The following COG7 variants were observed in gnomAD, a reference collection of about 807,000 sequenced individuals.
COG7 encodes component of oligomeric golgi complex 7.
Under a neutral mutation model 91.5 loss-of-function variants are expected in COG7, and 49 were observed. That is an observed-to-expected ratio of 0.54 (90% CI 0.43 to 0.68). The LOEUF (loss-of-function observed/expected upper bound fraction) is 0.68, where lower values mean the gene tolerates loss of function less well. Among genes scored for constraint, COG7 ranks in the 30% least tolerant of loss-of-function variants. The probability of loss-of-function intolerance (pLI) is 0.00; values close to 1 mark genes in which losing one functional copy is unlikely to be tolerated. For missense variants in COG7, 895 were observed against 961.3 expected, an observed-to-expected ratio of 0.93 and a Z score of 0.91; for synonymous variants, 365 against 388.7, an observed-to-expected ratio of 0.94 and a Z score of 0.72.
intron 14 of COG7, among the ~76,000 whole-genome samples, chr16:23,395,417 A>T (rs1471176566): frequency 2.0e-5 from 3 of 152,204 alleles, no homozygotes; most frequent in Non-Finnish European, 4.4e-5. Flanking sequence ...TATACCTTTC[A>T]TCTGTAGCCA....
intron 5 of COG7, 53 bp from the exon 6 acceptor site, chr16:23,433,720 TG>T: frequency 6.2e-7 from 1 of 1,608,866 alleles, no homozygotes; most frequent in Non-Finnish European, 8.5e-7. Context: ...ATAGGTTGCC[TG>T]TGAACACTGC....
chr16:23,405,164 G>A (rs1963438848), intron 12 of COG7, among the ~76,000 whole-genome samples: 1 of 152,172 alleles, frequency 6.6e-6, no homozygotes, highest in Admixed American at 6.5e-5. Flanking sequence ...GTTATGGCAG[G>A]CAAACTAAGA....
chr16:23,390,829 C>G (rs925129330), intron 16 of COG7, among the ~76,000 whole-genome samples: 1 of 152,250 alleles, frequency 6.6e-6, no homozygotes, highest in Non-Finnish European at 1.5e-5. Flanking sequence ...AGCTGCTTCC[C>G]AGCAAAGGTG....
intron 4 of COG7, among the ~76,000 whole-genome samples, chr16:23,439,882 AT>A (rs1457698009): frequency 3.9e-5 from 6 of 152,124 alleles, no homozygotes; most frequent in African/African-American, 1.4e-4. Flanking sequence ...AATTTTTTAA[AT>A]TTTTTTCTAA....
intron 11 of COG7, among the ~76,000 whole-genome samples, chr16:23,408,543 G>A (rs764665781): frequency 6.6e-6 from 1 of 151,726 alleles, no homozygotes; most frequent in Non-Finnish European, 1.5e-5. Flanking sequence ...TTTGTTTCCC[G>A]TCATTTCTGA....
intron 9 of COG7, 115 bp from the exon 10 acceptor site, chr16:23,413,679 G>T: frequency 1.3e-6 from 1 of 755,038 alleles, no homozygotes; most frequent in Non-Finnish European, 2.5e-6. Context: ...AGCATCTTTA[G>T]AGGCTCCCAC....
chr16:23,425,648 T>C (rs554804613), intron 6 of COG7, among the ~76,000 whole-genome samples: 7 of 152,266 alleles, frequency 4.6e-5, no homozygotes, highest in African/African-American at 1.4e-4. Flanking sequence ...TAAAGAAGTA[T>C]AACTTTTAAA....
intron 8 of COG7, 86 bp downstream of exon 8, chr16:23,418,613 TC>T: frequency 1.5e-6 from 2 of 1,294,732 alleles, no homozygotes; most frequent in African/African-American, 1.5e-5. Context: ...GCACCCCGGA[TC>T]CCAACCCCCA....
intron 4 of COG7, among the ~76,000 whole-genome samples, chr16:23,440,474 T>A (rs1964082964): frequency 6.7e-6 from 1 of 150,218 alleles, no homozygotes; most frequent in African/African-American, 2.4e-5. Flanking sequence ...TAACAAAAAT[T>A]AAAAATTAAT....
rs199984825 is a variant in COG7, at chr16:23,388,967, G to A, written c.2266C>T (p.Arg756Cys). 92 of 1,614,074 alleles carry A rather than the reference G, an allele frequency of 5.7e-5. No individual in the cohort carries two copies. Among genetic ancestry groups the A allele is most frequent in the Non-Finnish European group, 7.6e-5 (90 of 1,180,000 alleles). The change falls in exon 17 of 17, where the codon CGT becomes TGT. Residue 756 changes from arginine (R) to cysteine (C), a missense_variant. Arg to Cys is a radical substitution (Grantham distance 180, BLOSUM62 -3). Coordinates refer to ENST00000307149, the MANE Select transcript of COG7 (RefSeq NM_153603.4). ...GTGGCCACGGTGGTGGCCAGGCGACGGGGCAGGCCTTTGCTGACCTGTCTA... is the reference window on the plus strand; with the variant it reads ...GTGGCCACGGTGGTGGCCAGGCGACAGGGCAGGCCTTTGCTGACCTGTCTA... ...DYRQVSKGLP[R>C]RLATTVATMR...
chr16:23,433,409 C>A, intron 6 of COG7, 136 bp downstream of exon 6: 1 of 1,153,182 alleles, frequency 8.7e-7, no homozygotes, highest in Non-Finnish European at 1.3e-6. Flanking sequence ...TATTTTTTAA[C>A]CCCTTGAATG....
chr16:23,392,125 T>G (rs1963207036), intron 16 of COG7: 18 of 1,376,326 alleles, frequency 1.3e-5, no homozygotes, highest in Non-Finnish European at 2.8e-6. Context: ...CTGAATCTTA[T>G]CTCACTGAAG....
intron 4 of COG7, among the ~76,000 whole-genome samples, chr16:23,440,297 G>A (rs1231112788): frequency 6.6e-6 from 1 of 151,088 alleles, no homozygotes; most frequent in African/African-American, 2.4e-5. Context: ...GGTAAGGCAG[G>A]AGAATCGCTT....
intron 6 of COG7, among the ~76,000 whole-genome samples, chr16:23,426,837 AG>A (rs1385047062): frequency 0.019 from 2,546 of 137,328 alleles, 47 homozygotes; most frequent in Non-Finnish European, 0.021. Context: ...AAAAAAAAAA[AG>A]AAAGAAAGAA....
Position 23,393,293 on chromosome 16 carries a change from C to G in COG7, c.1942G>C (p.Glu648Gln), listed in dbSNP as rs1963230748. The G allele has an allele frequency of 6.2e-7, 1 of 1,614,052 alleles. No homozygotes were observed. The highest frequency in any genetic ancestry group is 8.5e-7 in the Non-Finnish European group (1 of 1,180,036). ...AATGCCAACTCTAAGGCAGAGTCCT[C>G]CTGAGTCACAAATGGCTCAAGATTC... is the stretch of plus-strand genomic sequence containing the variant. Reference protein sequence around the residue: ...PLNLEPFVTQEDSALELALHA... With the variant: ...PLNLEPFVTQQDSALELALHA... The change falls in exon 15 of 17, where the codon GAG (glutamate) becomes CAG (glutamine). Residue 648 changes from glutamate to glutamine, a missense_variant. By Grantham distance (29) the Glu-to-Gln change is conservative (BLOSUM62 2). Transcript: ENST00000307149.
intron 7 of COG7, among the ~76,000 whole-genome samples, chr16:23,419,576 C>T (rs565962351): frequency 4.0e-5 from 6 of 150,090 alleles, no homozygotes; most frequent in Non-Finnish European, 5.9e-5. Flanking sequence ...TGGTGAAACC[C>T]GATCTCTACT....
Position 23,452,959 on chromosome 16 carries a change from G to A in COG7, c.36C>T (p.Asp12=), listed in dbSNP as rs1244368309. The A allele has an allele frequency of 6.2e-7, 1 of 1,614,084 alleles. No individual in the cohort carries two copies. The highest frequency in any genetic ancestry group is 8.5e-7 in the Non-Finnish European group (1 of 1,179,954). ...AGGCCGCATTGATCCACTCCTTCAC[G>A]TCGAAGTCGTCTGCCAGGAACTTGG... ...DFSKFLADDF[D]VKEWINAAFR... The change falls in exon 1 of 17, where the codon GAC becomes GAT. Residue 12 remains aspartate (D), a synonymous_variant. Transcript: ENST00000307149.
In COG7 at chr16:23,434,618, T is replaced by A. The variant is rs755480315; in HGVS notation, c.687+18A>T. 1 of 1,595,560 alleles carries A rather than the reference T, an allele frequency of 6.3e-7. No individual in the cohort carries two copies. Among genetic ancestry groups the A allele is most frequent in the Non-Finnish European group, 8.6e-7 (1 of 1,163,044 alleles). On this transcript the variant is annotated intron_variant, in intron 5 of 16. Transcript: ENST00000307149. The stretch of plus-strand genomic sequence containing the variant: ...GCATTCCACAACTGCACAACTGTCA[T>A]CGCGCACAGCTTCTTACCTTGTGAC...
intron 16 of COG7, 89 bp downstream of exon 16, chr16:23,392,291 G>A (rs1466219332): frequency 6.3e-7 from 1 of 1,591,124 alleles, no homozygotes; most frequent in Admixed American, 1.7e-5. Flanking sequence ...GGGAAGACTT[G>A]GGATGAGATT....
Sources: allele counts gnomAD v4.1 joint callset (sites outside exome capture counted in the v4.1 genomes callset), GRCh38; gene constraint gnomAD v4.1.1; transcripts MANE v1.5; gene names NCBI Gene and HGNC (gene_info 2026-07-23, HGNC 2026-07-21).